FARSB: variants seen among roughly 807,000 people sequenced by gnomAD.
FARSB encodes phenylalanine--tRNA ligase beta subunit.
Under a neutral mutation model 69.6 loss-of-function variants are expected in FARSB, and 40 were observed. That is an observed-to-expected ratio of 0.57 (90% CI 0.45 to 0.75). The LOEUF is 0.75. FARSB is among the 30% of genes least tolerant of loss of function. The probability of loss-of-function intolerance (pLI) is 0.00; values close to 1 mark genes in which losing one functional copy is unlikely to be tolerated. For missense variants in FARSB, 632 were observed against 722.9 expected (o/e 0.87, Z 1.44); for synonymous variants, 235 against 247.2 (o/e 0.95, Z 0.46).
rs1479534353 is a variant in FARSB, at chr2:222,618,487, A to G, written c.1344+1158T>C. On this transcript the variant is annotated intron_variant, in intron 14 of 16. Transcript: ENST00000281828. ...AGAAGAAGACATGATTTTCTCTAAA[A>G]TCTAGGTTAAAAAACATACAGACTT... is the stretch of plus-strand genomic sequence containing the variant. Among the ~76,000 whole-genome samples the G allele has an allele frequency of 2.6e-5, 4 of 152,212 alleles. No individual in the cohort carries two copies. The East Asian group carries it at 5.8e-4, about 22-fold the overall frequency.
intron 15 of FARSB, among the ~76,000 whole-genome samples, chr2:222,605,654 A>C (rs1241971785): frequency 6.6e-6 from 1 of 152,230 alleles, no homozygotes; most frequent in Non-Finnish European, 1.5e-5. Flanking sequence ...ACAGTGGCTC[A>C]GGCCTGTAAT....
intron 13 of FARSB, among the ~76,000 whole-genome samples, chr2:222,621,729 T>C (rs1408232899): frequency 1.3e-5 from 2 of 152,206 alleles, no homozygotes; most frequent in Non-Finnish European, 2.9e-5. Context: ...GTGTGAATTA[T>C]TTACACTTAG....
intron 14 of FARSB, 151 bp downstream of exon 14, chr2:222,619,494 C>A: frequency 9.0e-6 from 5 of 553,600 alleles, no homozygotes; most frequent in Non-Finnish European, 1.6e-5. Context: ...CAGCAAAGCA[C>A]GTAATAACCA....
At chr2:222,628,591 T>C (rs1395727397) in intron 10 of FARSB, among the ~76,000 whole-genome samples, 1 of 152,186 alleles carries the variant, frequency 6.6e-6, no homozygotes, top group Non-Finnish European at 1.5e-5. Flanking sequence ...GCTCTACCAC[T>C]TAAAAATAAT....
At chr2:222,604,722 A>ATTTTTTTTTTTTTTTTTTTTT (rs56201038) in intron 15 of FARSB, among the ~76,000 whole-genome samples, 5 of 110,716 alleles carry the variant, frequency 4.5e-5, no homozygotes, top group Non-Finnish European at 5.3e-5. Context: ...TGCCCACTGA[A>ATTTTTTTTTTTTTTTTTTTTT]TTTTTTTTTT....
chr2:222,632,050 ATGG>A (rs1313574929), intron 7 of FARSB, among the ~76,000 whole-genome samples: 10 of 151,702 alleles, frequency 6.6e-5, no homozygotes, highest in African/African-American at 1.7e-4. Flanking sequence ...ACATGGTGCA[ATGG>A]CACGACATGG....
At chr2:222,580,517 A>G (rs904807893) in intron 16 of FARSB, among the ~76,000 whole-genome samples, 1 of 152,074 alleles carries the variant, frequency 6.6e-6, no homozygotes, top group Non-Finnish European at 1.5e-5. Context: ...ATAGTGCTAC[A>G]TAGGTAAAAA....
intron 5 of FARSB, among the ~76,000 whole-genome samples, chr2:222,636,393 A>AAAAAAAAAAAAAAAAAAAT: frequency 6.6e-6 from 1 of 151,482 alleles, no homozygotes. Context: ...CTCAAAAAAA[A>AAAAAAAAAAAAAAAAAAAT]AAAAAAAAAA....
intron 10 of FARSB, among the ~76,000 whole-genome samples, chr2:222,625,515 A>T (rs1691246290): frequency 6.6e-6 from 1 of 152,234 alleles, no homozygotes; most frequent in African/African-American, 2.4e-5. Flanking sequence ...AAGCACTAGC[A>T]TCACCTGAGT....
intron 2 of FARSB, among the ~76,000 whole-genome samples, chr2:222,646,251 T>C (rs543024603): frequency 1.4e-4 from 22 of 152,326 alleles, no homozygotes; most frequent in African/African-American, 4.6e-4. Flanking sequence ...CATTCAGGCA[T>C]GTCTTTAACT....
At position 222,599,953 on chromosome 2, in the gene FARSB, C is replaced by G; in HGVS notation, c.1593G>C (p.Gly531=). The G allele has an allele frequency of 6.2e-7, 1 of 1,603,738 alleles. No individual in the cohort carries two copies. The highest frequency in any genetic ancestry group is 8.5e-7 in the Non-Finnish European group (1 of 1,177,620). ...LLDVPPGEDK[G]GYVIKASEGP... ...CTTCTGATGCTTTGATCACATATCC[C>G]CCCTTGTCTTCACCAGGAGGCACAT... The change falls in exon 16 of 17, where the codon GGG becomes GGC. Residue 531 remains glycine, a synonymous_variant. Transcript: ENST00000281828.
intron 16 of FARSB, among the ~76,000 whole-genome samples, chr2:222,579,628 C>T (rs1689920249): frequency 6.6e-6 from 1 of 152,172 alleles, no homozygotes; most frequent in African/African-American, 2.4e-5. Flanking sequence ...TGAATTTAAA[C>T]TCCTGCAAAC....
At chr2:222,603,858 T>C (rs1341092161) in intron 15 of FARSB, among the ~76,000 whole-genome samples, 1 of 151,722 alleles carries the variant, frequency 6.6e-6, no homozygotes, top group Non-Finnish European at 1.5e-5. Context: ...AACATTTAAA[T>C]GAAAACAAAC....
At chr2:222,578,855 G>A (rs911008648) in intron 16 of FARSB, among the ~76,000 whole-genome samples, 8 of 152,214 alleles carry the variant, frequency 5.3e-5, no homozygotes, top group Admixed American at 2.0e-4. Context: ...GACGGTGGGC[G>A]CCTGTAGTCC....
chr2:222,646,811 A>G (rs1691875973), intron 2 of FARSB, among the ~76,000 whole-genome samples: 1 of 152,166 alleles, frequency 6.6e-6, no homozygotes, highest in South Asian at 2.1e-4. Context: ...CTTTTTCTTC[A>G]GTTCCAGTGA....
intron 16 of FARSB, among the ~76,000 whole-genome samples, chr2:222,597,660 G>A (rs2106195369): frequency 6.6e-6 from 1 of 152,238 alleles, no homozygotes; most frequent in South Asian, 2.1e-4. Flanking sequence ...TTTTCCAAAT[G>A]ATGAATGCTG....
intron 15 of FARSB, among the ~76,000 whole-genome samples, chr2:222,604,773 A>G (rs953877338): frequency 3.2e-5 from 4 of 124,532 alleles, no homozygotes; most frequent in African/African-American, 1.2e-4. Context: ...GGGTTTTACC[A>G]TGTTGCCCAG....
chr2:222,636,119 T>C (rs1007456026), intron 5 of FARSB, among the ~76,000 whole-genome samples: 1 of 149,634 alleles, frequency 6.7e-6, no homozygotes, highest in African/African-American at 2.5e-5. Flanking sequence ...TAGAAGAATA[T>C]GCTTAGGCCG....
intron 15 of FARSB, among the ~76,000 whole-genome samples, chr2:222,601,536 A>G (rs1574924288): frequency 6.6e-6 from 1 of 152,226 alleles, no homozygotes; most frequent in Non-Finnish European, 1.5e-5. Flanking sequence ...CTAAATGTTA[A>G]CAGAGGTTAT....
Sources: allele counts gnomAD v4.1 joint callset (sites outside exome capture counted in the v4.1 genomes callset), GRCh38; gene constraint gnomAD v4.1.1; transcripts MANE v1.5; gene names NCBI Gene and HGNC (gene_info 2026-07-23, HGNC 2026-07-21).